Variants in CD96 observed in about 807,000 individuals in gnomAD.
CD96 encodes T-cell surface protein tactile.
Under a neutral mutation model 71.3 loss-of-function variants are expected in CD96, and 70 were observed. The ratio of observed to expected loss-of-function variants is 0.98; its 90% CI spans 0.81 to 1.20. The LOEUF (loss-of-function observed/expected upper bound fraction) is 1.20, where lower values mean the gene tolerates loss of function less well. Ranked by LOEUF, CD96 falls within the 50% of genes most tolerant of loss-of-function variation. The probability of loss-of-function intolerance (pLI) is 0.00; values close to 1 mark genes in which losing one functional copy is unlikely to be tolerated. For synonymous variants in CD96, 248 were observed against 233.0 expected (o/e 1.06, Z -0.59); for missense variants, 742 against 677.5 (o/e 1.10, Z -1.06).
chr3:111,565,076 C>T (rs531920838), intron 2 of CD96, among the ~76,000 whole-genome samples: 18 of 152,150 alleles, frequency 1.2e-4, no homozygotes, highest in South Asian at 4.2e-4. Flanking sequence ...ATTTGGTGCC[C>T]GCAAACTCTC....
At chr3:111,606,100 T>A (rs1381835899) in intron 7 of CD96, among the ~76,000 whole-genome samples, 2 of 152,050 alleles carry the variant, frequency 1.3e-5, no homozygotes, top group Non-Finnish European at 2.9e-5. Flanking sequence ...AGCCTCTGTT[T>A]CAACTCCCCC....
downstream of CD96, among the ~76,000 whole-genome samples, chr3:111,653,875 G>T (rs182642188): frequency 6.6e-6 from 1 of 151,724 alleles, no homozygotes; most frequent in East Asian, 1.9e-4. Flanking sequence ...ATGAAAAGTA[G>T]AAATAATTAA....
At chr3:111,543,357 T>C (rs538842317) in intron 1 of CD96, among the ~76,000 whole-genome samples, 22 of 152,326 alleles carry the variant, frequency 1.4e-4, no homozygotes, top group Middle Eastern at 3.4e-3. Flanking sequence ...AAGTGTCCTG[T>C]ATCACTCAGT....
At chr3:111,589,052 G>A (rs775963804) in intron 5 of CD96, among the ~76,000 whole-genome samples, 1 of 150,584 alleles carries the variant, frequency 6.6e-6, no homozygotes, top group African/African-American at 2.4e-5. Context: ...CTGGGTTCAC[G>A]CTATTCTCCT....
intron 3 of CD96, among the ~76,000 whole-genome samples, chr3:111,569,471 A>G (rs1249088209): frequency 6.6e-6 from 1 of 152,224 alleles, no homozygotes; most frequent in East Asian, 1.9e-4. Flanking sequence ...TAGTTCTGAG[A>G]AAAAGGTTAA....
chr3:111,591,267 G>A (rs1173955194), intron 5 of CD96, among the ~76,000 whole-genome samples: 1 of 151,216 alleles, frequency 6.6e-6, no homozygotes, highest in Non-Finnish European at 1.5e-5. Context: ...CAGCTACTCA[G>A]GAGGCTTAGG....
intron 12 of CD96, among the ~76,000 whole-genome samples, chr3:111,639,685 A>G (rs1246966843): frequency 6.6e-6 from 1 of 152,134 alleles, no homozygotes; most frequent in East Asian, 1.9e-4. Context: ...GCACAAAAAC[A>G]AAGCATTAAA....
chr3:111,569,353 G>A (rs777067271), intron 3 of CD96, among the ~76,000 whole-genome samples: 19 of 152,232 alleles, frequency 1.2e-4, no homozygotes, highest in African/African-American at 3.4e-4. Flanking sequence ...CACAAAACTC[G>A]TCTGCCCTTT....
At chr3:111,639,979 A>G (rs530575620) in intron 12 of CD96, among the ~76,000 whole-genome samples, 4 of 152,158 alleles carry the variant, frequency 2.6e-5, no homozygotes, top group Admixed American at 1.3e-4. Context: ...AATCTCAACA[A>G]CAGCCTTCAG....
chr3:111,578,748 A>G (rs1936334628), intron 3 of CD96, among the ~76,000 whole-genome samples: 1 of 152,164 alleles, frequency 6.6e-6, no homozygotes, highest in Non-Finnish European at 1.5e-5. Flanking sequence ...CAAACCCCAA[A>G]TCCTGCTCCA....
At chr3:111,549,158 C>G (rs1301851049) in intron 2 of CD96, among the ~76,000 whole-genome samples, 1 of 151,924 alleles carries the variant, frequency 6.6e-6, no homozygotes, top group Non-Finnish European at 1.5e-5. Flanking sequence ...TTCTCCCCTC[C>G]CCTCTCTTCC....
At chr3:111,553,434 C>CTTTTTTTT (rs34837219) in intron 2 of CD96, among the ~76,000 whole-genome samples, 1 of 115,184 alleles carries the variant, frequency 8.7e-6, no homozygotes, top group Non-Finnish European at 1.8e-5. Context: ...TTTCTTTTTT[C>CTTTTTTTT]TTTTTTTTTT....
intron 10 of CD96, among the ~76,000 whole-genome samples, chr3:111,630,862 A>T (rs1434351069): frequency 1.3e-5 from 2 of 152,226 alleles, no homozygotes; most frequent in Non-Finnish European, 2.9e-5. Flanking sequence ...ACATACACTA[A>T]TTAATAAATG....
chr3:111,665,529 A>G (rs1181413282), exon 15 of CD96: 2 of 152,114 alleles, frequency 1.3e-5, no homozygotes, highest in Non-Finnish European at 2.9e-5. Context: ...TACCCTAGGT[A>G]TTGGCTGGGA....
chr3:111,599,105 A>G (rs1937382455), intron 6 of CD96, among the ~76,000 whole-genome samples: 1 of 151,608 alleles, frequency 6.6e-6, no homozygotes, highest in South Asian at 2.1e-4. Flanking sequence ...AGTAGCTGGG[A>G]CTACAGGCGC....
intron 2 of CD96, 132 bp from the exon 3 acceptor site, chr3:111,567,391 C>G: frequency 1.4e-6 from 1 of 705,468 alleles, no homozygotes; most frequent in South Asian, 1.6e-5. Context: ...TGGGAGTTTG[C>G]CTCTCTTTTT....
intron 4 of CD96, among the ~76,000 whole-genome samples, chr3:111,583,346 G>A (rs1281117267): frequency 1.3e-5 from 2 of 152,194 alleles, no homozygotes; most frequent in African/African-American, 4.8e-5. Context: ...TCACAGGCTA[G>A]TGTTGAGTGT....
intron 12 of CD96, among the ~76,000 whole-genome samples, chr3:111,640,264 C>T (rs141531987): frequency 2.0e-5 from 3 of 152,016 alleles, no homozygotes; most frequent in Admixed American, 6.5e-5. Flanking sequence ...GAGAAATATT[C>T]ATGGAAATAG....
chr3:111,590,012 T>C (rs1936904951), intron 5 of CD96, among the ~76,000 whole-genome samples: 1 of 152,204 alleles, frequency 6.6e-6, no homozygotes, highest in Non-Finnish European at 1.5e-5. Context: ...ATAGTATACA[T>C]TTCAGGAATA....
Sources: allele counts gnomAD v4.1 joint callset (sites outside exome capture counted in the v4.1 genomes callset), GRCh38; gene constraint gnomAD v4.1.1; transcripts MANE v1.5; gene names NCBI Gene and HGNC (gene_info 2026-07-23, HGNC 2026-07-21).